Variants in FGF14 observed in about 807,000 individuals in gnomAD.
The protein encoded by FGF14 is fibroblast growth factor homologous factor 4.
Under a neutral mutation model 25.5 loss-of-function variants are expected in FGF14, and 5 were observed. The ratio of observed to expected loss-of-function variants is 0.20; its 90% CI spans 0.10 to 0.41. The LOEUF (loss-of-function observed/expected upper bound fraction) is 0.41. Ranked by LOEUF, FGF14 falls within the 10% of genes least tolerant of loss-of-function variation. The probability of loss-of-function intolerance (pLI) is 1.00; values close to 1 mark genes in which losing one functional copy is unlikely to be tolerated. For synonymous variants in FGF14, 138 were observed against 118.3 expected (o/e 1.17, Z -1.08); for missense variants, 222 against 320.1 (o/e 0.69, Z 2.34).
intron 1 of FGF14, among the ~76,000 whole-genome samples, chr13:102,294,511 G>C (rs895277893): frequency 1.5e-4 from 23 of 151,862 alleles, no homozygotes; most frequent in African/African-American, 5.6e-4. Flanking sequence ...TTTATTTCAT[G>C]TTATCTCTAA....
At chr13:102,048,709 G>C (rs895107477) in intron 1 of FGF14, among the ~76,000 whole-genome samples, 2 of 152,186 alleles carry the variant, frequency 1.3e-5, no homozygotes, top group African/African-American at 4.8e-5. Context: ...TCACTGGGAA[G>C]ACATTCCCAG....
chr13:101,933,445 C>T (rs1353818809), intron 1 of FGF14, among the ~76,000 whole-genome samples: 2 of 152,112 alleles, frequency 1.3e-5, no homozygotes, highest in African/African-American at 2.4e-5. Flanking sequence ...ATTGGTAGTC[C>T]GGGCATGGTG....
At chr13:101,908,446 C>G (rs1292939443) in intron 1 of FGF14, among the ~76,000 whole-genome samples, 1 of 152,102 alleles carries the variant, frequency 6.6e-6, no homozygotes, top group African/African-American at 2.4e-5. Flanking sequence ...TGTAGTGTAC[C>G]TACCACATGG....
In FGF14 at chr13:102,011,521, T is replaced by C. The variant is rs149933995; in HGVS notation, c.209-136225A>G. Among the ~76,000 whole-genome samples, 383 of 146,850 alleles carry C rather than the reference T, an allele frequency of 2.6e-3. 2 individuals carry two copies. The highest frequency in any genetic ancestry group is 9.3e-3 in the African/African-American group (364 of 39,214). On this transcript the variant is annotated intron_variant, in intron 1 of 4. Coordinates refer to the FGF14 transcript ENST00000376131. ...TGAAGCTTATCCATAGCTGAGAGCA[T>C]AGAGAGCAGCTCAGACAAACCCAGG...
intron 1 of FGF14, among the ~76,000 whole-genome samples, chr13:102,280,832 T>G (rs1450457101): frequency 6.6e-6 from 1 of 152,176 alleles, no homozygotes; most frequent in Non-Finnish European, 1.5e-5. Flanking sequence ...CAGGTGCCCC[T>G]GGGAAACACC....
chr13:102,097,933 G>A (rs1475757200), intron 1 of FGF14, among the ~76,000 whole-genome samples: 1 of 152,196 alleles, frequency 6.6e-6, no homozygotes, highest in African/African-American at 2.4e-5. Context: ...ACCATCAGCA[G>A]TCAACCCGAG....
At chr13:102,256,050 A>G (rs1175677550) in intron 1 of FGF14, among the ~76,000 whole-genome samples, 2 of 152,316 alleles carry the variant, frequency 1.3e-5, no homozygotes, top group East Asian at 3.9e-4. Context: ...AAGACCACTC[A>G]GTTTCTACTT....
chr13:101,752,494 T>C (rs905814379), intron 3 of FGF14, among the ~76,000 whole-genome samples: 5 of 152,320 alleles, frequency 3.3e-5, no homozygotes, highest in African/African-American at 1.2e-4. Context: ...AAAATAATAT[T>C]ATGAATGATG....
At chr13:102,377,389 T>C (rs1470301281) in intron 1 of FGF14, among the ~76,000 whole-genome samples, 1 of 152,152 alleles carries the variant, frequency 6.6e-6, no homozygotes, top group Admixed American at 6.5e-5. Flanking sequence ...GGGAAGAGAA[T>C]AGTAAAAATG....
At chr13:101,893,266 G>T (rs1452990734) in intron 1 of FGF14, among the ~76,000 whole-genome samples, 1 of 152,144 alleles carries the variant, frequency 6.6e-6, no homozygotes, top group East Asian at 1.9e-4. Flanking sequence ...ATTGCCTCTG[G>T]CAGGTTTTTC....
At chr13:102,368,410 A>C (rs35258890) in intron 1 of FGF14, among the ~76,000 whole-genome samples, 1,639 of 152,304 alleles carry the variant, frequency 0.011, 13 homozygotes, top group Non-Finnish European at 0.019. Flanking sequence ...ATACATTAAA[A>C]ATCTTAACAG....
chr13:102,384,199 T>C (rs989123621), intron 1 of FGF14, among the ~76,000 whole-genome samples: 1 of 152,146 alleles, frequency 6.6e-6, no homozygotes, highest in African/African-American at 2.4e-5. Flanking sequence ...GGAAAAAATA[T>C]TTATAAAATT....
chr13:102,076,083 A>C (rs1406201860), intron 1 of FGF14, among the ~76,000 whole-genome samples: 1 of 152,144 alleles, frequency 6.6e-6, no homozygotes. Context: ...TTCGTTATTA[A>C]AGAAAAATAT....
chr13:101,779,343 A>G (rs570275302), intron 3 of FGF14, among the ~76,000 whole-genome samples: 10 of 152,306 alleles, frequency 6.6e-5, no homozygotes, highest in Admixed American at 6.5e-4. Flanking sequence ...TAACAACAAT[A>G]CACGTTTCTT....
At chr13:101,745,651 G>T (rs1190728147) in intron 3 of FGF14, among the ~76,000 whole-genome samples, 1 of 152,020 alleles carries the variant, frequency 6.6e-6, no homozygotes, top group Non-Finnish European at 1.5e-5. Flanking sequence ...TTAGCAATAT[G>T]CATTTAAGCT....
chr13:102,138,233 A>G (rs2140443713), intron 1 of FGF14, among the ~76,000 whole-genome samples: 1 of 28,216 alleles, frequency 3.5e-5, no homozygotes, highest in African/African-American at 1.3e-4. Context: ...GACAGTCCAG[A>G]ACAAGTTGCC....
chr13:101,973,571 C>G (rs553861342), intron 1 of FGF14, among the ~76,000 whole-genome samples: 8 of 152,140 alleles, frequency 5.3e-5, no homozygotes, highest in Non-Finnish European at 8.8e-5. Flanking sequence ...AGAGGCAGTC[C>G]GAGTTCCAAA....
At chr13:101,996,271 G>A (rs376390587) in intron 1 of FGF14, among the ~76,000 whole-genome samples, 1 of 152,300 alleles carries the variant, frequency 6.6e-6, no homozygotes, top group Non-Finnish European at 1.5e-5. Context: ...GTTTGAGGCA[G>A]ATCATGGCAG....
Position 101,726,612 on chromosome 13 carries a change from C to A in FGF14, c.607G>T (p.Val203Phe). The change falls in exon 4 of 5, where the codon GTT (valine) becomes TTT (phenylalanine). Residue 203 changes from valine (V) to phenylalanine (F), a missense_variant and splice_region_variant. Transcript: ENST00000376143. ...ATAATAATGCATGCATAATACTCAC[C>A]TTCCAATGGCTTGGGTAGAAAATGA... Reference protein sequence around the residue: ...AAHFLPKPLEVAMYREPSLHD... With the variant: ...AAHFLPKPLEFAMYREPSLHD... 6.2e-7 allele frequency: 1 copy of A among 1,613,004 alleles called. No individual in the cohort carries two copies. The highest frequency in any genetic ancestry group is 8.5e-7 in the Non-Finnish European group (1 of 1,179,276).
Sources: gnomAD v4.1 joint callset for allele counts (sites outside exome capture counted in the v4.1 genomes callset) on GRCh38, gnomAD v4.1.1 for gene constraint, MANE v1.5 for transcripts, NCBI Gene and HGNC (gene_info 2026-07-23, HGNC 2026-07-21) for gene names.